Variants in CLEC2A observed in about 807,000 individuals in gnomAD.
CLEC2A encodes the protein C-type lectin domain family 2 member A, also known as keratinocyte-associated C-type lectin.
A neutral mutation model predicts 18.6 loss-of-function variants in CLEC2A; 19 were observed. The ratio of observed to expected loss-of-function variants is 1.02; its 90% confidence interval spans 0.71 to 1.50. The LOEUF is 1.50. CLEC2A is among the 40% of genes most tolerant of loss of function. The probability of loss-of-function intolerance (pLI) is 0.00; values close to 1 mark genes in which losing one functional copy is unlikely to be tolerated. For missense variants in CLEC2A, 190 were observed against 207.9 expected, an observed-to-expected ratio of 0.91 and a Z score of 0.53; for synonymous variants, 74 against 64.0, an observed-to-expected ratio of 1.16 and a Z score of -0.75.
the CLEC2A span, among the ~76,000 whole-genome samples, chr12:9,880,411 T>C: frequency 2.6e-5 from 4 of 152,060 alleles, no homozygotes; most frequent in African/African-American, 9.7e-5. Flanking sequence ...AATAATCAGG[T>C]GAACACAACA....
intron 3 of CLEC2A, among the ~76,000 whole-genome samples, chr12:9,917,550 A>G (rs1863093121): frequency 6.6e-6 from 1 of 152,368 alleles, no homozygotes; most frequent in Non-Finnish European, 1.5e-5. Context: ...CAAAGATAAA[A>G]GTAGACAGAC....
At chr12:9,889,638 GTATATATA>G in the CLEC2A span, among the ~76,000 whole-genome samples, 1 of 143,958 alleles carries the variant, frequency 6.9e-6, no homozygotes, top group Non-Finnish European at 1.5e-5. Flanking sequence ...CTCTATATGT[GTATATATA>G]TGTGTGTGTG....
At chr12:9,916,228 A>T (rs1863068887) in intron 4 of CLEC2A, among the ~76,000 whole-genome samples, 1 of 152,078 alleles carries the variant, frequency 6.6e-6, no homozygotes, top group Non-Finnish European at 1.5e-5. Context: ...AATAAATAAA[A>T]TAAGCAACAA....
downstream of CLEC2A, among the ~76,000 whole-genome samples, chr12:9,911,369 G>A (rs185182165): frequency 1.5e-3 from 228 of 152,262 alleles, no homozygotes; most frequent in African/African-American, 5.4e-3. Context: ...CAAGGACATT[G>A]CACAATTAAG....
chr12:9,917,478 A>G (rs1342683979), intron 3 of CLEC2A, among the ~76,000 whole-genome samples: 14 of 152,260 alleles, frequency 9.2e-5, no homozygotes, highest in Admixed American at 7.8e-4. Flanking sequence ...TGTGTTAAAC[A>G]GAACAATTAA....
chr12:9,887,340 A>G, the CLEC2A span, among the ~76,000 whole-genome samples: 1 of 152,228 alleles, frequency 6.6e-6, no homozygotes, highest in Non-Finnish European at 1.5e-5. Flanking sequence ...GAGTAAAAAT[A>G]TAATCCTAAA....
At chr12:9,921,129 A>G (rs892207772) in intron 3 of CLEC2A, among the ~76,000 whole-genome samples, 3 of 152,180 alleles carry the variant, frequency 2.0e-5, no homozygotes, top group Non-Finnish European at 4.4e-5. Flanking sequence ...GGAGAGTTAT[A>G]TAACTCCTTC....
the CLEC2A span, among the ~76,000 whole-genome samples, chr12:9,887,734 T>A: frequency 6.6e-6 from 1 of 152,004 alleles, no homozygotes; most frequent in Middle Eastern, 3.4e-3. Flanking sequence ...GTTTTTTTTT[T>A]TTTTTTTGGT....
chr12:9,888,527 A>C, the CLEC2A span, among the ~76,000 whole-genome samples: 16 of 152,056 alleles, frequency 1.1e-4, no homozygotes, highest in African/African-American at 3.9e-4. Context: ...AAAAAATAGA[A>C]TTGTGATTTG....
chr12:9,880,083 C>G, the CLEC2A span, among the ~76,000 whole-genome samples: 2 of 152,148 alleles, frequency 1.3e-5, no homozygotes, highest in Non-Finnish European at 2.9e-5. Flanking sequence ...GAATAGATGC[C>G]ACACTACAGT....
chr12:9,893,961 T>C (rs1159308667), downstream of CLEC2A, among the ~76,000 whole-genome samples: 1 of 152,122 alleles, frequency 6.6e-6, no homozygotes, highest in Non-Finnish European at 1.5e-5. Flanking sequence ...TCAGAAAACA[T>C]GAATTTAAAA....
At chr12:9,905,047 G>A (rs991032286) in intron 4 of CLEC2A, among the ~76,000 whole-genome samples, 3 of 152,164 alleles carry the variant, frequency 2.0e-5, no homozygotes, top group Non-Finnish European at 1.5e-5. Context: ...CATCAAACTC[G>A]AGGGTTAAGG....
downstream of CLEC2A, among the ~76,000 whole-genome samples, chr12:9,908,678 C>T (rs1862938777): frequency 6.6e-6 from 1 of 152,184 alleles, no homozygotes. Flanking sequence ...TTATTTTTCC[C>T]ATGCGGGACA....
intron 1 of CLEC2A, among the ~76,000 whole-genome samples, chr12:9,927,301 C>T (rs1380468392): frequency 6.6e-6 from 1 of 152,110 alleles, no homozygotes; most frequent in East Asian, 1.9e-4. Flanking sequence ...AGAAAAGGTA[C>T]AGTGAAAATA....
At chr12:9,907,555 T>C (rs533525565) in intron 4 of CLEC2A, among the ~76,000 whole-genome samples, 1 of 152,312 alleles carries the variant, frequency 6.6e-6, no homozygotes, top group African/African-American at 2.4e-5. Context: ...TTCTACAAAC[T>C]TGAGTTTTCC....
chr12:9,883,347 A>G, the CLEC2A span, among the ~76,000 whole-genome samples: 25 of 152,230 alleles, frequency 1.6e-4, no homozygotes, highest in Non-Finnish European at 3.4e-4. Flanking sequence ...ATTTCTTCAT[A>G]TAGCCCTGTG....
intron 4 of CLEC2A, among the ~76,000 whole-genome samples, chr12:9,916,169 AAC>A (rs1233314669): frequency 6.6e-6 from 1 of 151,988 alleles, no homozygotes; most frequent in Non-Finnish European, 1.5e-5. Context: ...TAACCCAAGA[AAC>A]ACTTTTAACA....
the CLEC2A span, among the ~76,000 whole-genome samples, chr12:9,880,145 T>A: frequency 6.6e-6 from 1 of 152,226 alleles, no homozygotes; most frequent in African/African-American, 2.4e-5. Context: ...GTCTTCCCAC[T>A]GAACAGAAGT....
chr12:9,912,180 A>C (rs1024086190), downstream of CLEC2A, among the ~76,000 whole-genome samples: 1 of 152,244 alleles, frequency 6.6e-6, no homozygotes, highest in African/African-American at 2.4e-5. Flanking sequence ...TATTCTTATG[A>C]AAGTGGATGC....
Sources: allele counts gnomAD v4.1 joint callset (sites outside exome capture counted in the v4.1 genomes callset), GRCh38; gene constraint gnomAD v4.1.1; transcripts MANE v1.5; gene names NCBI Gene and HGNC (gene_info 2026-07-23, HGNC 2026-07-21).